The following HELZ2 variants were observed in gnomAD, a reference collection of about 807,000 sequenced individuals.
The protein encoded by HELZ2 is 3'-5' exoribonuclease HELZ2.
A neutral mutation model predicts 208.8 loss-of-function variants in HELZ2; 143 were observed. That is an observed-to-expected ratio of 0.68 (90% confidence interval 0.60 to 0.79). HELZ2 has a LOEUF of 0.79. Ranked by LOEUF, HELZ2 falls within the 30% of genes least tolerant of loss-of-function variation. The pLI is 0.00. For missense variants in HELZ2, 3,690 were observed against 3,794.5 expected (o/e 0.97, Z 0.72); for synonymous variants, 1,705 against 1,693.7 (o/e 1.01, Z -0.16).
chr20:63,558,419 C>T (rs896767309), downstream of HELZ2: 1 of 152,392 alleles, frequency 6.6e-6, no homozygotes, highest in South Asian at 2.1e-4. Flanking sequence ...TTTGGGCTGC[C>T]CTCCAGCAGC....
chr20:63,563,347 C>A, exon 8 of HELZ2: 1 of 1,538,364 alleles, frequency 6.5e-7, no homozygotes. Context: ...TCCACAGGGC[C>A]GTCTCCACGG....
At chr20:63,570,918 C>G in intron 1 of HELZ2, 50 bp from the exon 3 acceptor site, 2 of 1,486,762 alleles carry the variant, frequency 1.3e-6, no homozygotes, top group Non-Finnish European at 1.8e-6. Context: ...AGCCGCCGTG[C>G]TGAGTTCAAA....
chr20:63,559,293 G>A, exon 19 of HELZ2: 1 of 1,595,152 alleles, frequency 6.3e-7, no homozygotes, highest in Non-Finnish European at 8.5e-7. Context: ...TGGCCGGCAG[G>A]CACGAGGGTC....
At chr20:63,563,748 C>T in exon 8 of HELZ2, 1 of 1,600,862 alleles carries the variant, frequency 6.2e-7, no homozygotes, top group Non-Finnish European at 8.5e-7. Flanking sequence ...CCCCCATGGC[C>T]CAGCGCCAGC....
chr20:63,561,576 C>G (rs755263684), intron 12 of HELZ2, 25 bp downstream of exon 13: 17 of 1,589,038 alleles, frequency 1.1e-5, no homozygotes, highest in Non-Finnish European at 1.4e-5. Flanking sequence ...CCACTCCGCC[C>G]AAGCCCCAAA....
chr20:63,564,291 C>T, exon 8 of HELZ2: 1 of 1,608,440 alleles, frequency 6.2e-7, no homozygotes, highest in African/African-American at 1.3e-5. Context: ...CCGTCCTCGT[C>T]CGGCTGCTCA....
chr20:63,559,973 C>T (rs758539324), exon 18 of HELZ2: 1 of 1,612,222 alleles, frequency 6.2e-7, no homozygotes, highest in South Asian at 1.1e-5. Context: ...GCCACATTCA[C>T]TTGGTTGGGG....
At chr20:63,573,823 C>T (rs1329241187), upstream of HELZ2, among the ~76,000 whole-genome samples, 2 of 152,118 alleles carry the variant, frequency 1.3e-5, no homozygotes, top group Admixed American at 1.3e-4. The surrounding 1 kb of genome is among the most constrained non-coding windows in gnomAD (Gnocchi z 4.9). Context: ...AGTTTAAAAG[C>T]AACAGACTGG....
downstream of HELZ2, chr20:63,559,142 G>A (rs1393879019): frequency 3.1e-6 from 4 of 1,278,312 alleles, no homozygotes; most frequent in African/African-American, 3.0e-5. Flanking sequence ...GAGGCCAGGA[G>A]GCAGGCTGGC....
exon 8 of HELZ2, chr20:63,563,633 G>A: frequency 6.5e-7 from 1 of 1,543,632 alleles, no homozygotes; most frequent in Non-Finnish European, 8.7e-7. Context: ...GAGCTGCACG[G>A]CCAGGTGCAG....
At chr20:63,568,716 C>A (rs2082989139) in exon 5 of HELZ2, 2 of 1,606,096 alleles carry the variant, frequency 1.2e-6, no homozygotes, top group Non-Finnish European at 8.5e-7. Context: ...GGCTGCAGCC[C>A]CAGGGCCAAG....
chr20:63,569,780 TG>T, intron 3 of HELZ2, 115 bp from the exon 5 acceptor site: 1 of 1,177,480 alleles, frequency 8.5e-7, no homozygotes, highest in Middle Eastern at 2.9e-4. Flanking sequence ...TGCCACTTCC[TG>T]GATAGAACGC....
chr20:63,570,835 G>A (rs1412005811), exon 2 of HELZ2: 4 of 1,603,990 alleles, frequency 2.5e-6, no homozygotes, highest in Admixed American at 3.4e-5. Flanking sequence ...AGTGTGCCTT[G>A]GTGCAGGCGT....
At chr20:63,562,605 T>C (rs1569029770) in exon 8 of HELZ2, 1 of 1,597,116 alleles carries the variant, frequency 6.3e-7, no homozygotes, top group Admixed American at 1.7e-5. Flanking sequence ...TCCATGCCCA[T>C]GTGGTGGACG....
exon 6 of HELZ2, chr20:63,566,986 C>T (rs199628657): frequency 3.0e-5 from 49 of 1,611,620 alleles, no homozygotes; most frequent in East Asian, 2.2e-4. Flanking sequence ...GGACATGTCC[C>T]GGTCTGGGCT....
chr20:63,559,400 G>T, intron 18 of HELZ2, 30 bp from the exon 20 acceptor site: 1 of 1,529,154 alleles, frequency 6.5e-7, no homozygotes, highest in East Asian at 2.4e-5. Flanking sequence ...ATGGGAGTCA[G>T]TCAGGGTCAG....
chr20:63,559,843 G>C, intron 18 of HELZ2, 85 bp downstream of exon 19: 6 of 1,473,944 alleles, frequency 4.1e-6, no homozygotes, highest in Non-Finnish European at 5.5e-6. Context: ...GTCGGAGTCA[G>C]GGTCAGGCAG....
chr20:63,559,179 TGGGGAGGGTGGG>T (rs2082848609), downstream of HELZ2: 1 of 982,516 alleles, frequency 1.0e-6, no homozygotes, highest in Non-Finnish European at 1.2e-6. Flanking sequence ...CGGAGGGTGG[TGGGGAGGGTGGG>T]GGGGCCCTGG....
rs373506888 is a variant in HELZ2 at position 63,568,810 on chromosome 20, G to A, written c.1278C>T (p.Pro426=). 1.4e-5 allele frequency: 22 copies of A among 1,612,074 alleles called. No individual in the cohort carries two copies. The African/African-American group carries it at 1.5e-4, about 11-fold the overall frequency. Residue 426 remains proline (P), a synonymous_variant, in exon 5 of 19, where the codon CCC becomes CCT. Coordinates refer to ENST00000467148, the Ensembl canonical transcript of HELZ2. The stretch of plus-strand genomic sequence containing the variant: ...GCCGCACCTCGAACACCGTATTGTC[G>A]GGTGCAGGTACAGGGGCCACCAGGG...
Sources: allele counts gnomAD v4.1 joint callset (sites outside exome capture counted in the v4.1 genomes callset), GRCh38; gene constraint gnomAD v4.1.1; non-coding constraint Gnocchi (gnomAD v3.1); transcripts MANE v1.5; gene names NCBI Gene and HGNC (gene_info 2026-07-23, HGNC 2026-07-21).